Variants in BAIAP2L1 observed in about 807,000 individuals in gnomAD.
BAIAP2L1 encodes the protein BAR/IMD domain containing adaptor protein 2 like 1.
Under a neutral mutation model 66.3 loss-of-function variants are expected in BAIAP2L1, and 35 were observed. The observed-to-expected ratio is 0.53, with a 90% confidence interval of 0.40 to 0.70. BAIAP2L1 has a LOEUF of 0.70. Ranked by LOEUF, BAIAP2L1 falls within the 30% of genes least tolerant of loss-of-function variation. The pLI is 0.00. For synonymous variants in BAIAP2L1, 269 were observed against 248.7 expected, an observed-to-expected ratio of 1.08 and a Z score of -0.77; for missense variants, 622 against 656.9, an observed-to-expected ratio of 0.95 and a Z score of 0.58.
chr7:98,295,811 C>CT (rs1381522729), intron 12 of BAIAP2L1, among the ~76,000 whole-genome samples: 1 of 152,174 alleles, frequency 6.6e-6, no homozygotes, highest in Admixed American at 6.5e-5. Flanking sequence ...CCCCACGGGA[C>CT]TTTAAAAAGG....
intron 1 of BAIAP2L1, among the ~76,000 whole-genome samples, chr7:98,382,500 A>G (rs1442719092): frequency 6.6e-6 from 1 of 152,170 alleles, no homozygotes; most frequent in Admixed American, 6.6e-5. Context: ...AAAATTTAAA[A>G]AAAGACTAGA....
At chr7:98,342,096 G>A (rs974615007) in intron 3 of BAIAP2L1, among the ~76,000 whole-genome samples, 2 of 141,264 alleles carry the variant, frequency 1.4e-5, no homozygotes, top group Admixed American at 7.6e-5. Context: ...CTGTCATCCA[G>A]GCTGGAGTGC....
intron 3 of BAIAP2L1, chr7:98,323,507 G>C (rs1470463128): frequency 6.6e-6 from 1 of 152,218 alleles, no homozygotes; most frequent in Non-Finnish European, 1.5e-5. Context: ...TCTCTTTCAT[G>C]AACTTTATTT....
intron 3 of BAIAP2L1, among the ~76,000 whole-genome samples, chr7:98,346,841 G>A (rs184631118): frequency 2.0e-5 from 3 of 152,194 alleles, no homozygotes; most frequent in African/African-American, 7.2e-5. Context: ...AATTAGAGAA[G>A]AAACAGCTGA....
rs115012914 is a variant in BAIAP2L1, at chr7:98,357,735, A to G, written c.128-2607T>C. On this transcript the variant is annotated intron_variant, in intron 2 of 13. Transcript: ENST00000005260. ...AAAAGAACAATAGCAATTAGCATTTATATACATACTTAGTTAATCTATCCA... is the reference window on the plus strand; with the variant it reads ...AAAAGAACAATAGCAATTAGCATTTGTATACATACTTAGTTAATCTATCCA... Among the ~76,000 whole-genome samples, 632 of 152,284 alleles carry G rather than the reference A, an allele frequency of 4.2e-3. 2 individuals are homozygous for G. Among genetic ancestry groups the G allele is most frequent in the African/African-American group, 0.015 (610 of 41,568 alleles).
chr7:98,324,789 C>T (rs1801337832), intron 3 of BAIAP2L1, among the ~76,000 whole-genome samples: 1 of 152,132 alleles, frequency 6.6e-6, no homozygotes, highest in Admixed American at 6.5e-5. Context: ...AAAAATAATA[C>T]AGTCATTGGA....
In BAIAP2L1 at chr7:98,293,466, C is replaced by G. The variant is rs1027410169; in HGVS notation, c.*55G>C. On this transcript the variant is annotated 3_prime_UTR_variant, in exon 14 of 14. Transcript: ENST00000005260. ...TCAGCACGTGGCAGACAGGATGCGCCCATCATTCCGCAAGGGAGAACCGGA... is the reference window on the plus strand; with the variant it reads ...TCAGCACGTGGCAGACAGGATGCGCGCATCATTCCGCAAGGGAGAACCGGA... 7.2e-6 allele frequency: 11 copies of G among 1,526,258 alleles called. No individual in the cohort carries two copies. The African/African-American group carries it at 1.5e-4, about 21-fold the overall frequency. 94.5% of individuals were successfully genotyped at this position (1,526,258 alleles called of 1,614,324 possible).
intron 1 of BAIAP2L1, among the ~76,000 whole-genome samples, chr7:98,387,339 G>A (rs1484212594): frequency 2.0e-5 from 3 of 152,082 alleles, no homozygotes; most frequent in East Asian, 3.9e-4. Flanking sequence ...GCACAGCTGT[G>A]GTGCTCAAGA....
At chr7:98,370,692 G>A (rs559105103) in intron 1 of BAIAP2L1, among the ~76,000 whole-genome samples, 45 of 151,960 alleles carry the variant, frequency 3.0e-4, no homozygotes, top group African/African-American at 1.0e-3. Context: ...TAGTAGAGAC[G>A]GGGTTTCACC....
Position 98,315,482 on chromosome 7 carries a change from T to C in BAIAP2L1, c.617A>G (p.His206Arg), listed in dbSNP as rs1386995730. 1.3e-6 allele frequency: 2 copies of C among 1,500,506 alleles called. No individual in the cohort carries two copies. Among genetic ancestry groups the C allele is most frequent in the Non-Finnish European group, 8.9e-7 (1 of 1,119,790 alleles). The allele number at this position is 1,500,506 out of a possible 1,614,324, so 92.9% of individuals were successfully genotyped here. A position where few individuals can be genotyped will look rare whatever the true frequency, so the allele number is the denominator to read the frequency against. Residue 206 changes from histidine to arginine, a missense_variant, in exon 7 of 14, where the codon CAC becomes CGC. Transcript: ENST00000005260. ...CACCTGTAAGTGATAATAATGTATG[T>C]GGTTTGCAAAGCCACAGTGCTTATC... ...LVDKHCGFAN[H>R]IHYYHLQSAE...
chr7:98,388,867 G>A (rs1466723821), intron 1 of BAIAP2L1, among the ~76,000 whole-genome samples: 1 of 151,848 alleles, frequency 6.6e-6, no homozygotes, highest in Non-Finnish European at 1.5e-5. Flanking sequence ...CCAGCTACTT[G>A]GGAGGCTGAG....
intron 1 of BAIAP2L1, among the ~76,000 whole-genome samples, chr7:98,363,352 C>A (rs1483694979): frequency 6.6e-6 from 1 of 152,142 alleles, no homozygotes; most frequent in Non-Finnish European, 1.5e-5. Context: ...CATTTTCCCA[C>A]TGATTGGTTT....
At chr7:98,349,453 G>T (rs538600518) in intron 3 of BAIAP2L1, among the ~76,000 whole-genome samples, 6 of 152,092 alleles carry the variant, frequency 3.9e-5, no homozygotes, top group Non-Finnish European at 2.9e-5. Flanking sequence ...TCCTTACCCC[G>T]TAACTCCTGG....
chr7:98,364,909 C>T (rs1277530600), intron 1 of BAIAP2L1, among the ~76,000 whole-genome samples: 1 of 134,116 alleles, frequency 7.5e-6, no homozygotes, highest in Non-Finnish European at 1.5e-5. Context: ...ATCACTTGAG[C>T]CCAGGAGTTT....
intron 12 of BAIAP2L1, among the ~76,000 whole-genome samples, chr7:98,295,326 G>A (rs895457746): frequency 6.6e-6 from 1 of 152,114 alleles, no homozygotes; most frequent in Non-Finnish European, 1.5e-5. Flanking sequence ...CAGGGCATCT[G>A]GGGCCAATTC....
rs1801172205 is a variant in BAIAP2L1 at position 98,319,219 on chromosome 7, G to C, written c.348+839C>G. ...GCAGGAGAAAGTTAAGTACTCTATA[G>C]AGCAAGGGAAGATGGCAAGAGCCCT... On this transcript the variant is annotated intron_variant, in intron 5 of 13. Transcript: ENST00000005260. 2.0e-5 allele frequency among the ~76,000 whole-genome samples: 3 copies of C among 152,276 alleles called. No individual in the cohort carries two copies. The South Asian group carries it at 6.2e-4, about 32-fold the overall frequency.
At chr7:98,342,357 C>T (rs1584470802) in intron 3 of BAIAP2L1, among the ~76,000 whole-genome samples, 3 of 152,062 alleles carry the variant, frequency 2.0e-5, no homozygotes, top group African/African-American at 7.2e-5. Flanking sequence ...GCTGAGCCAC[C>T]GTTCCTGGCT....
At chr7:98,384,024 C>T (rs953636605) in intron 1 of BAIAP2L1, among the ~76,000 whole-genome samples, 3 of 151,886 alleles carry the variant, frequency 2.0e-5, no homozygotes, top group African/African-American at 2.4e-5. Flanking sequence ...CGTGGTGGCA[C>T]GTGCCTGTAA....
At chr7:98,343,247 AT>A (rs1422114463) in intron 3 of BAIAP2L1, among the ~76,000 whole-genome samples, 1 of 95,478 alleles carries the variant, frequency 1.0e-5, no homozygotes, top group Non-Finnish European at 2.2e-5. Flanking sequence ...GAAAAAAAAA[AT>A]ACACACACAC....
Sources: allele counts gnomAD v4.1 joint callset (sites outside exome capture counted in the v4.1 genomes callset), GRCh38; gene constraint gnomAD v4.1.1; transcripts MANE v1.5; gene names NCBI Gene and HGNC (gene_info 2026-07-23, HGNC 2026-07-21).